The following KDM1B variants were observed in gnomAD, a reference collection of about 807,000 sequenced individuals.
KDM1B encodes the protein lysine demethylase 1B.
Under a neutral mutation model 107.4 loss-of-function variants are expected in KDM1B, and 63 were observed. The ratio of observed to expected loss-of-function variants is 0.59; its 90% confidence interval spans 0.48 to 0.72. The LOEUF (loss-of-function observed/expected upper bound fraction) is 0.72, where lower values mean the gene tolerates loss of function less well. KDM1B is among the 30% of genes least tolerant of loss of function. KDM1B has a pLI of 0.00. For synonymous variants in KDM1B, 363 were observed against 363.9 expected (o/e 1.00, Z 0.03); for missense variants, 749 against 1,020.8 (o/e 0.73, Z 3.63).
chr6:18,207,132 T>C (rs558075794), intron 15 of KDM1B, among the ~76,000 whole-genome samples: 2 of 152,266 alleles, frequency 1.3e-5, no homozygotes, highest in South Asian at 4.1e-4. Context: ...TTTGCCAGAG[T>C]TGTCAATATA....
At chr6:18,207,029 C>T (rs1423639701) in intron 15 of KDM1B, among the ~76,000 whole-genome samples, 3 of 152,098 alleles carry the variant, frequency 2.0e-5, no homozygotes, top group African/African-American at 7.2e-5. Context: ...CAAAATCGTG[C>T]AGGGTTTCTA....
At chr6:18,210,591 T>C (rs1788794103) in intron 17 of KDM1B, among the ~76,000 whole-genome samples, 1 of 151,868 alleles carries the variant, frequency 6.6e-6, no homozygotes, top group African/African-American at 2.4e-5. Context: ...GAACTCGTGG[T>C]CTTAAGCAAT....
Position 18,203,729 on chromosome 6 carries a change from T to C in KDM1B, c.1532-1808T>C, listed in dbSNP as rs1285769160. 6.6e-6 allele frequency among the ~76,000 whole-genome samples: 1 copy of C among 151,866 alleles called. No homozygotes were observed. Among genetic ancestry groups the C allele is most frequent in the East Asian group, 1.9e-4 (1 of 5,168 alleles). On this transcript the variant is annotated intron_variant, in intron 14 of 21. Transcript: ENST00000650836. This position sits in a 1 kb window ranked among gnomAD's most constrained non-coding sequence, Gnocchi z 5.5. The stretch of plus-strand genomic sequence containing the variant: ...TTAGTCGAGCATGGTGGTGCATGCC[T>C]GTAATCCCAGGTATTTGGGATGCTG...
At chr6:18,220,616 C>T (rs561104253) in intron 21 of KDM1B, among the ~76,000 whole-genome samples, 1 of 152,288 alleles carries the variant, frequency 6.6e-6, no homozygotes, top group Non-Finnish European at 1.5e-5. Context: ...GAAGACCTTA[C>T]TCTGTGGCAA....
Position 18,212,330 on chromosome 6 carries a change from G to A in KDM1B, c.1867-158G>A. 2 of 669,024 alleles carry A rather than the reference G, an allele frequency of 3.0e-6. No homozygotes were observed. Among genetic ancestry groups the A allele is most frequent in the South Asian group, 3.5e-5 (2 of 57,898 alleles). 41.4% of individuals were successfully genotyped at this position (669,024 alleles called of 1,614,324 possible). A position where few individuals can be genotyped will look rare whatever the true frequency, so the allele number is the denominator to read the frequency against. On this transcript the variant is annotated intron_variant, in intron 17 of 21. Transcript: ENST00000650836. This position sits in a 1 kb window ranked among gnomAD's most constrained non-coding sequence, Gnocchi z 5.2. ...TCCCTGTGGTTGCCACTTCTGCTTAGCCAGGCATTGGCACCCTTGTGCAGT... is the reference window on the plus strand; with the variant it reads ...TCCCTGTGGTTGCCACTTCTGCTTAACCAGGCATTGGCACCCTTGTGCAGT...
intron 7 of KDM1B, 60 bp downstream of exon 7, chr6:18,171,539 T>C: frequency 2.2e-6 from 2 of 893,398 alleles, no homozygotes; most frequent in Admixed American, 1.7e-5. Flanking sequence ...TAAATAGTAA[T>C]GGTGTATATG....
At chr6:18,161,949 T>G (rs1785003318) in intron 4 of KDM1B, among the ~76,000 whole-genome samples, 1 of 151,990 alleles carries the variant, frequency 6.6e-6, no homozygotes, top group African/African-American at 2.4e-5. Context: ...TTTTTTTTTC[T>G]TTTTTACTTC....
In KDM1B at chr6:18,215,081, G is replaced by C. The variant is rs1319318846; in HGVS notation, c.2184G>C (p.Gln728His). The change falls in exon 20 of 22, where the codon CAG (glutamine) becomes CAC (histidine). Residue 728 changes from glutamine to histidine, a missense_variant. Physicochemically the swap from Gln to His is conservative, Grantham distance 24 (BLOSUM62 0). Transcript: ENST00000650836. ...CCGTGAGGACCCTGGATGACAAACA[G>C]GTGCTGCAGCAGTGCATGGCCACGC... is the stretch of plus-strand genomic sequence containing the variant. ...VASVRTLDDK[Q>H]VLQQCMATLR... The C allele has an allele frequency of 5.0e-6, 8 of 1,613,742 alleles. No homozygotes were observed. The highest frequency in any genetic ancestry group is 6.8e-6 in the Non-Finnish European group (8 of 1,180,008).
chr6:18,165,202 C>T (rs1182853920), intron 5 of KDM1B, among the ~76,000 whole-genome samples: 4 of 125,274 alleles, frequency 3.2e-5, no homozygotes, highest in South Asian at 2.6e-4. Context: ...GGCGTAATCT[C>T]GGCTCACTGC....
At chr6:18,199,565 C>T (rs919676630) in intron 12 of KDM1B, among the ~76,000 whole-genome samples, 4 of 152,128 alleles carry the variant, frequency 2.6e-5, no homozygotes, top group East Asian at 1.9e-4. Context: ...CTGCAGGTGA[C>T]GTGCTGCCTG....
At position 18,191,192 on chromosome 6, in the gene KDM1B, A is replaced by C. The variant is rs998563055; in HGVS notation, c.785-5A>C. On this transcript the variant is annotated splice_polypyrimidine_tract_variant and splice_region_variant and intron_variant, in intron 9 of 21. Coordinates refer to ENST00000650836, the MANE Select transcript of KDM1B (RefSeq NM_001364614.2). The surrounding 1 kb of genome is among the most constrained non-coding windows in gnomAD (Gnocchi z 5.1). ...TAGGAGTTGCCCATTTGTGTTACCTATCAGTTCCAGGCATGAACCGATACT... is the reference window on the plus strand; with the variant it reads ...TAGGAGTTGCCCATTTGTGTTACCTCTCAGTTCCAGGCATGAACCGATACT... 4.5e-6 allele frequency: 7 copies of C among 1,549,286 alleles called. No individual in the cohort carries two copies. Among genetic ancestry groups the C allele is most frequent in the Non-Finnish European group, 6.1e-6 (7 of 1,146,424 alleles).
rs919285180 is a variant in KDM1B, at chr6:18,223,675, G to A, written c.*1683G>A. The A allele has an allele frequency of 3.3e-5, 5 of 152,146 alleles. No individual in the cohort carries two copies. In the South Asian group the frequency reaches 1.0e-3, roughly 32 times the overall value. The allele number at this position is 152,146 out of a possible 1,614,324, so 9.4% of individuals were successfully genotyped here. On this transcript the variant is annotated 3_prime_UTR_variant, in exon 22 of 22. Coordinates refer to ENST00000650836, the MANE Select transcript of KDM1B (RefSeq NM_001364614.2). Reference sequence around the variant, plus strand: ...TCCTATCAAGTGACATACTTCATTTGATTTTTTGTTTAAGAAGCCATGGTA... The same window carrying A: ...TCCTATCAAGTGACATACTTCATTTAATTTTTTGTTTAAGAAGCCATGGTA...
rs79554563 is a variant in KDM1B, at chr6:18,195,138, T to C, written c.970-1919T>C. On this transcript the variant is annotated intron_variant, in intron 10 of 21. Transcript: ENST00000650836. ...TCAGAACTTCACTCACTTTTATAGCTGAATAATATTTCATTGTTCATATCA... is the reference window on the plus strand; with the variant it reads ...TCAGAACTTCACTCACTTTTATAGCCGAATAATATTTCATTGTTCATATCA... 9.2e-3 allele frequency among the ~76,000 whole-genome samples: 1,406 copies of C among 152,340 alleles called. 18 individuals carry two copies. Among genetic ancestry groups the C allele is most frequent in the African/African-American group, 0.031 (1,276 of 41,578 alleles).
At chr6:18,182,614 G>T (rs1041054619) in intron 7 of KDM1B, among the ~76,000 whole-genome samples, 5 of 151,790 alleles carry the variant, frequency 3.3e-5, no homozygotes, top group Non-Finnish European at 7.4e-5. Flanking sequence ...TCTTAGCCCA[G>T]TGCAGCCTCA....
Position 18,205,707 on chromosome 6 carries a change from G to T in KDM1B, c.1659+43G>T. On this transcript the variant is annotated intron_variant, in intron 15 of 21. Transcript: ENST00000650836. The surrounding 1 kb of genome is among the most constrained non-coding windows in gnomAD (Gnocchi z 5.7). ...GAAAGGTGTGCTTTGAAAATACTTG[G>T]TTTAGGCCGGGCGCAGTGGCTCACG... The T allele has an allele frequency of 6.9e-7, 1 of 1,454,694 alleles. No homozygotes were observed. Among genetic ancestry groups the T allele is most frequent in the Non-Finnish European group, 9.1e-7 (1 of 1,104,114 alleles). The allele number at this position is 1,454,694 out of a possible 1,614,324, so 90.1% of individuals were successfully genotyped here.
chr6:18,175,235 T>C (rs989197864), intron 7 of KDM1B, among the ~76,000 whole-genome samples: 3 of 152,190 alleles, frequency 2.0e-5, no homozygotes, highest in African/African-American at 7.2e-5. Flanking sequence ...TCCCCAATCG[T>C]TAGTGATGTT....
At chr6:18,188,262 C>T (rs934316781) in intron 9 of KDM1B, among the ~76,000 whole-genome samples, 7 of 152,158 alleles carry the variant, frequency 4.6e-5, no homozygotes, top group South Asian at 2.1e-4. Flanking sequence ...AAAATGTATG[C>T]GACCTATGAT....
At chr6:18,221,730 G>A (rs1789763712) in intron 21 of KDM1B, among the ~76,000 whole-genome samples, 179 bp from the exon 22 acceptor site, 1 of 152,200 alleles carries the variant, frequency 6.6e-6, no homozygotes, top group African/African-American at 2.4e-5. Context: ...GAGTGAATTT[G>A]ACAATGCATG....
rs369714077 is a variant in KDM1B, at chr6:18,179,836, A to ACTAGATATTTTTTCTTTTTTTT, written c.535-5936_535-5935insCTAGATATTTTTTCTTTTTTTT. On this transcript the variant is annotated intron_variant, in intron 7 of 21. Coordinates refer to ENST00000650836, the MANE Select transcript of KDM1B (RefSeq NM_001364614.2). ...CTATTCCAAAATCTTTCAATTTAGCATTGGTTTTTTTTCCTTTTTTTTTTT... is the reference window on the plus strand; with the variant it reads ...CTATTCCAAAATCTTTCAATTTAGCACTAGATATTTTTTCTTTTTTTTTTGGTTTTTTTTCCTTTTTTTTTTT... Among the ~76,000 whole-genome samples, 4 of 83,518 alleles carry ACTAGATATTTTTTCTTTTTTTT rather than the reference A, an allele frequency of 4.8e-5. 2 individuals are homozygous for ACTAGATATTTTTTCTTTTTTTT. Among genetic ancestry groups the ACTAGATATTTTTTCTTTTTTTT allele is most frequent in the African/African-American group, 9.9e-5 (2 of 20,304 alleles). The allele number at this position is 83,518 out of a possible 152,430, so 54.8% of individuals were successfully genotyped here.
Sources: gnomAD v4.1 joint callset for allele counts (sites outside exome capture counted in the v4.1 genomes callset) on GRCh38, gnomAD v4.1.1 for gene constraint, Gnocchi (gnomAD v3.1) non-coding constraint, MANE v1.5 for transcripts, NCBI Gene and HGNC (gene_info 2026-07-23, HGNC 2026-07-21) for gene names.